NXPH1: variants seen among roughly 807,000 people sequenced by gnomAD.
The protein encoded by NXPH1 is neurexophilin 1.
A neutral mutation model predicts 23.7 loss-of-function variants in NXPH1; 5 were observed. The ratio of observed to expected loss-of-function variants is 0.21; its 90% CI spans 0.11 to 0.44. NXPH1 has a LOEUF of 0.44. Among genes scored for constraint, NXPH1 ranks in the 20% least tolerant of loss-of-function variants. The pLI is 0.99. For synonymous variants in NXPH1, 144 were observed against 122.2 expected, an observed-to-expected ratio of 1.18 and a Z score of -1.18; for missense variants, 324 against 321.6, an observed-to-expected ratio of 1.01 and a Z score of -0.06.
intron 2 of NXPH1, among the ~76,000 whole-genome samples, chr7:8,557,007 A>T (rs1292373728): frequency 2.0e-5 from 3 of 151,700 alleles, no homozygotes; most frequent in Non-Finnish European, 3.0e-5. Flanking sequence ...CAGGATATGA[A>T]TTGAAGTCGT....
intron 2 of NXPH1, among the ~76,000 whole-genome samples, chr7:8,651,127 C>T (rs1489098062): frequency 6.7e-6 from 1 of 149,934 alleles, no homozygotes; most frequent in Non-Finnish European, 1.5e-5. Flanking sequence ...CCCCACTCCC[C>T]CCACCCCACA....
chr7:8,542,609 A>G (rs193103005), intron 2 of NXPH1, among the ~76,000 whole-genome samples: 1 of 151,780 alleles, frequency 6.6e-6, no homozygotes, highest in East Asian at 1.9e-4. Flanking sequence ...AAAGTATTCA[A>G]GTCACAAAAA....
chr7:8,496,343 C>G (rs1370471945), intron 2 of NXPH1, among the ~76,000 whole-genome samples: 1 of 151,996 alleles, frequency 6.6e-6, no homozygotes, highest in African/African-American at 2.4e-5. Flanking sequence ...TGTTTTCCAT[C>G]CAGCTGGAGG....
At chr7:8,544,710 C>G (rs908342830) in intron 2 of NXPH1, among the ~76,000 whole-genome samples, 2 of 151,478 alleles carry the variant, frequency 1.3e-5, no homozygotes, top group African/African-American at 2.4e-5. Flanking sequence ...GTGCCTGTTT[C>G]TTTAAGTAGA....
chr7:8,694,646 AAGG>A (rs1338393942), intron 2 of NXPH1, among the ~76,000 whole-genome samples: 1 of 152,160 alleles, frequency 6.6e-6, no homozygotes, highest in Non-Finnish European at 1.5e-5. Context: ...TCTAGCAGGA[AAGG>A]AGCTAAAAAA....
At chr7:8,607,883 A>G (rs1042669206) in intron 2 of NXPH1, among the ~76,000 whole-genome samples, 3 of 152,250 alleles carry the variant, frequency 2.0e-5, no homozygotes, top group African/African-American at 7.2e-5. Flanking sequence ...TCTTAATCCA[A>G]TATGACTGGT....
chr7:8,724,837 A>C (rs1023101123), intron 2 of NXPH1, among the ~76,000 whole-genome samples: 1 of 152,238 alleles, frequency 6.6e-6, no homozygotes, highest in African/African-American at 2.4e-5. Flanking sequence ...CTGGCTAAAC[A>C]TCTTTTTTCA....
intron 2 of NXPH1, among the ~76,000 whole-genome samples, chr7:8,708,461 A>C (rs986936231): frequency 1.3e-5 from 2 of 152,046 alleles, no homozygotes; most frequent in Non-Finnish European, 2.9e-5. Context: ...CCTGGGTTCA[A>C]GTGATTCTCT....
intron 2 of NXPH1, among the ~76,000 whole-genome samples, chr7:8,576,321 G>C (rs1358651985): frequency 2.6e-5 from 4 of 152,184 alleles, no homozygotes; most frequent in African/African-American, 9.7e-5. Flanking sequence ...TTTGGGGTAG[G>C]AGTGAGGAGA....
intron 2 of NXPH1, among the ~76,000 whole-genome samples, chr7:8,492,260 G>A (rs1200579086): frequency 1.3e-5 from 2 of 151,944 alleles, no homozygotes; most frequent in African/African-American, 4.8e-5. Flanking sequence ...TGCTAATCTT[G>A]TTACTTGCCT....
At chr7:8,702,812 A>T (rs866524903) in intron 2 of NXPH1, among the ~76,000 whole-genome samples, 2 of 152,246 alleles carry the variant, frequency 1.3e-5, no homozygotes, top group South Asian at 4.1e-4. Flanking sequence ...ACAGTTAGAG[A>T]TGTGATAAGA....
At chr7:8,488,479 TC>T (rs1417468037) in intron 2 of NXPH1, among the ~76,000 whole-genome samples, 22 of 152,224 alleles carry the variant, frequency 1.4e-4, no homozygotes, top group African/African-American at 5.1e-4. Context: ...CTTATAGAAA[TC>T]AAAATGACTG....
intron 2 of NXPH1, among the ~76,000 whole-genome samples, chr7:8,679,088 T>C (rs988340065): frequency 8.6e-5 from 13 of 151,490 alleles, no homozygotes; most frequent in Admixed American, 2.0e-4. Context: ...GCTGGGACTA[T>C]AGGCGCCCAC....
At chr7:8,448,822 A>G (rs1412412121) in intron 2 of NXPH1, among the ~76,000 whole-genome samples, 4 of 116,372 alleles carry the variant, frequency 3.4e-5, no homozygotes, top group African/African-American at 2.8e-4. Context: ...CTCGGGGAAA[A>G]AAAAAAAAAA....
At chr7:8,500,818 G>A (rs1817418789) in intron 2 of NXPH1, among the ~76,000 whole-genome samples, 1 of 152,028 alleles carries the variant, frequency 6.6e-6, no homozygotes, top group African/African-American at 2.4e-5. Flanking sequence ...CGATTTTGAT[G>A]CAGGTCTTCT....
intron 2 of NXPH1, among the ~76,000 whole-genome samples, chr7:8,577,524 C>T (rs1392958688): frequency 6.6e-6 from 1 of 152,166 alleles, no homozygotes; most frequent in African/African-American, 2.4e-5. Flanking sequence ...CCTTGGGCCA[C>T]CCTTTCATCT....
intron 2 of NXPH1, among the ~76,000 whole-genome samples, chr7:8,506,962 G>A (rs1250886082): frequency 6.6e-6 from 1 of 151,866 alleles, no homozygotes; most frequent in Admixed American, 6.6e-5. Flanking sequence ...TCATGAGCAT[G>A]GGTGTGACAT....
intron 2 of NXPH1, among the ~76,000 whole-genome samples, chr7:8,572,918 C>A (rs1305179244): frequency 1.3e-5 from 2 of 151,640 alleles, no homozygotes; most frequent in Non-Finnish European, 2.9e-5. Context: ...TCTTAAAATA[C>A]AGGATTTGAA....
At chr7:8,605,762 A>G (rs62447878) in intron 2 of NXPH1, among the ~76,000 whole-genome samples, 44 of 152,116 alleles carry the variant, frequency 2.9e-4, no homozygotes, top group Non-Finnish European at 5.1e-4. Flanking sequence ...GACAATAAAA[A>G]TCAAATAAGA....
Sources: allele counts gnomAD v4.1 joint callset (sites outside exome capture counted in the v4.1 genomes callset), GRCh38; gene constraint gnomAD v4.1.1; transcripts MANE v1.5; gene names NCBI Gene and HGNC (gene_info 2026-07-23, HGNC 2026-07-21).